ARMH1: variants seen among roughly 807,000 people sequenced by gnomAD.
The protein encoded by ARMH1 is armadillo-like helical domain containing protein 1.
In ARMH1, 34 loss-of-function variants were observed where a neutral mutation model predicts 50.2. The ratio of observed to expected loss-of-function variants is 0.68; its 90% CI spans 0.51 to 0.90. The LOEUF is 0.90. Ranked by LOEUF, ARMH1 falls within the 40% of genes least tolerant of loss-of-function variation. The pLI is 0.00. For missense variants in ARMH1, 538 were observed against 553.9 expected, an observed-to-expected ratio of 0.97 and a Z score of 0.29; for synonymous variants, 221 against 224.2, an observed-to-expected ratio of 0.99 and a Z score of 0.13.
chr1:44,712,446 G>A (rs1458444123), intron 6 of ARMH1, among the ~76,000 whole-genome samples: 1 of 143,748 alleles, frequency 7.0e-6, no homozygotes, highest in Non-Finnish European at 1.5e-5. Context: ...CAACAAGAGT[G>A]AAACTCCATG....
rs1220315650 is a variant in ARMH1, at chr1:44,689,661, T to C, written c.-22-15T>C. On this transcript the variant is annotated splice_polypyrimidine_tract_variant and intron_variant, in intron 1 of 11. Coordinates refer to ENST00000535358, the MANE Select transcript of ARMH1 (RefSeq NM_001145636.2). Reference sequence around the variant, plus strand: ...AAACATTCCGGTAACCTGTCTCTTTTCCCTCCCTCTGTAGCCAACTTCAGG... The same window carrying C: ...AAACATTCCGGTAACCTGTCTCTTTCCCCTCCCTCTGTAGCCAACTTCAGG... The C allele has an allele frequency of 5.2e-6, 8 of 1,535,198 alleles. No homozygotes were observed. Among genetic ancestry groups the C allele is most frequent in the Non-Finnish European group, 5.3e-6 (6 of 1,132,452 alleles).
At chr1:44,706,147 C>T (rs1411264648) in intron 6 of ARMH1, among the ~76,000 whole-genome samples, 2 of 152,222 alleles carry the variant, frequency 1.3e-5, no homozygotes. Flanking sequence ...AGTGCAGTGC[C>T]TCCGAAGATG....
chr1:44,716,120 T>A (rs1237492205), intron 6 of ARMH1, among the ~76,000 whole-genome samples: 1 of 151,724 alleles, frequency 6.6e-6, no homozygotes, highest in Non-Finnish European at 1.5e-5. Flanking sequence ...ACATTCCCAT[T>A]CCTCTACCAG....
chr1:44,717,693 A>G (rs1646911688), intron 6 of ARMH1, among the ~76,000 whole-genome samples: 1 of 152,270 alleles, frequency 6.6e-6, no homozygotes, highest in African/African-American at 2.4e-5. Flanking sequence ...ATGCTCAATG[A>G]GAATTTTGTT....
chr1:44,724,462 G>T lies in ARMH1; in HGVS notation c.920+70G>T. ...GGCGCTGCCGGCGGGCCCCGGGAGCGCTCCGTGCGCCGGGTGGGCGGGGGT... is the reference window on the plus strand; with the variant it reads ...GGCGCTGCCGGCGGGCCCCGGGAGCTCTCCGTGCGCCGGGTGGGCGGGGGT... On this transcript the variant is annotated intron_variant, in intron 8 of 11. Transcript: ENST00000535358. The surrounding 1 kb of genome is among the most constrained non-coding windows in gnomAD (Gnocchi z 6.4). The T allele has an allele frequency of 1.3e-6, 2 of 1,522,292 alleles. No individual in the cohort carries two copies. The highest frequency in any genetic ancestry group is 1.8e-6 in the Non-Finnish European group (2 of 1,136,648). 94.3% of individuals were successfully genotyped at this position (1,522,292 alleles called of 1,614,324 possible).
intron 6 of ARMH1, among the ~76,000 whole-genome samples, chr1:44,704,834 C>CTTT (rs34632415): frequency 1.6e-5 from 2 of 124,344 alleles, no homozygotes; most frequent in African/African-American, 3.0e-5. Context: ...TTATTGAGAA[C>CTTT]TTTTTTTTTT....
chr1:44,698,020 C>G (rs1573357867), intron 3 of ARMH1, 43 bp from the exon 4 acceptor site: 1 of 1,476,930 alleles, frequency 6.8e-7, no homozygotes, highest in Non-Finnish European at 9.1e-7. Flanking sequence ...TGCAAAGGAA[C>G]TTGACAAGAG....
intron 6 of ARMH1, among the ~76,000 whole-genome samples, chr1:44,719,307 G>T (rs1445537516): frequency 1.3e-5 from 2 of 152,192 alleles, no homozygotes; most frequent in Non-Finnish European, 1.5e-5. Context: ...AGGATGATGG[G>T]CAAGAGGCAG....
chr1:44,686,457 C>T lies in ARMH1; in HGVS notation c.-22-3219C>T, dbSNP rs1455768507. 3.9e-5 allele frequency among the ~76,000 whole-genome samples: 6 copies of T among 152,196 alleles called. No individual in the cohort carries two copies. The East Asian group carries it at 9.6e-4, about 24-fold the overall frequency. On this transcript the variant is annotated intron_variant, in intron 1 of 11. Coordinates refer to ENST00000535358, the MANE Select transcript of ARMH1 (RefSeq NM_001145636.2). Reference sequence around the variant, plus strand: ...TTGGGAGGCTGAGGCAGGCAGATCACTTGAGCTCAGGAGTTTGAGACAAGC... The same window carrying T: ...TTGGGAGGCTGAGGCAGGCAGATCATTTGAGCTCAGGAGTTTGAGACAAGC...
chr1:44,701,127 A>G lies in ARMH1; in HGVS notation c.639+8A>G. 6.5e-7 allele frequency: 1 copy of G among 1,541,282 alleles called. No homozygotes were observed. Among genetic ancestry groups the G allele is most frequent in the East Asian group, 2.4e-5 (1 of 40,818 alleles). ...ACTCTCAGGACTGCCCAGGTGAGCC[A>G]AGGCTGCATGCTCCTGTGGTTCTGA... On this transcript the variant is annotated splice_region_variant and intron_variant, in intron 5 of 11. Coordinates refer to ENST00000535358, the MANE Select transcript of ARMH1 (RefSeq NM_001145636.2).
chr1:44,702,098 C>G (rs1416782886), intron 5 of ARMH1, among the ~76,000 whole-genome samples: 9 of 152,058 alleles, frequency 5.9e-5, no homozygotes, highest in Admixed American at 5.9e-4. Context: ...GAGTGAGACC[C>G]TGTCTCTAAA....
chr1:44,689,391 G>A lies in ARMH1; in HGVS notation c.-22-285G>A, dbSNP rs1298572870. On this transcript the variant is annotated intron_variant, in intron 1 of 11. Coordinates refer to ENST00000535358, the MANE Select transcript of ARMH1 (RefSeq NM_001145636.2). ...GCAAGCACTTTTATCTCAGCTGGAT[G>A]CTCTGGTCTTTTAGTTGCTGGCATC... Among the ~76,000 whole-genome samples the A allele has an allele frequency of 2.0e-5, 3 of 152,114 alleles. No individual in the cohort carries two copies. In the East Asian group the frequency reaches 5.8e-4, roughly 29 times the overall value.
At chr1:44,717,247 GCTGTATCGGGT>G (rs1193218735) in intron 6 of ARMH1, among the ~76,000 whole-genome samples, 2 of 152,194 alleles carry the variant, frequency 1.3e-5, no homozygotes, top group Admixed American at 6.5e-5. Context: ...AAAAATGCCT[GCTGTATCGGGT>G]TGTTGGCACA....
rs1464976192 is a variant in ARMH1 at position 44,682,210 on chromosome 1, T to C, written c.-23+7337T>C. Among the ~76,000 whole-genome samples, 1 of 152,192 alleles carries C rather than the reference T, an allele frequency of 6.6e-6. No individual in the cohort carries two copies. Among genetic ancestry groups the C allele is most frequent in the Non-Finnish European group, 1.5e-5 (1 of 68,010 alleles). On this transcript the variant is annotated intron_variant, in intron 1 of 11. Coordinates refer to ENST00000535358, the MANE Select transcript of ARMH1 (RefSeq NM_001145636.2). This position sits in a 1 kb window ranked among gnomAD's most constrained non-coding sequence, Gnocchi z 4.5. ...ATAACACTTATTGAGTGCCTGTGTT[T>C]TACCAGAGACCCTGCTAGCCACCCA...
At chr1:44,711,294 AT>A (rs1406459077) in intron 6 of ARMH1, among the ~76,000 whole-genome samples, 1 of 152,230 alleles carries the variant, frequency 6.6e-6, no homozygotes, top group Admixed American at 6.5e-5. Flanking sequence ...TAGTTGTACC[AT>A]TTTACATTCC....
intron 6 of ARMH1, among the ~76,000 whole-genome samples, chr1:44,707,463 C>G (rs1212055466): frequency 6.6e-6 from 1 of 152,120 alleles, no homozygotes; most frequent in African/African-American, 2.4e-5. Context: ...AGGGTTTCAC[C>G]CTGTTGCCCA....
intron 6 of ARMH1, among the ~76,000 whole-genome samples, chr1:44,707,090 C>T (rs1418258094): frequency 6.6e-6 from 1 of 151,292 alleles, no homozygotes; most frequent in Non-Finnish European, 1.5e-5. Context: ...CCTGCCCCCA[C>T]CTCCCCTCCT....
At chr1:44,723,615 C>G (rs1048999992) in intron 6 of ARMH1, among the ~76,000 whole-genome samples, 9 of 152,146 alleles carry the variant, frequency 5.9e-5, no homozygotes, top group Non-Finnish European at 1.3e-4. Context: ...GGTGAGCTTC[C>G]ACGGGTGCTG....
At chr1:44,706,697 A>G (rs1281607206) in intron 6 of ARMH1, among the ~76,000 whole-genome samples, 1 of 152,110 alleles carries the variant, frequency 6.6e-6, no homozygotes, top group South Asian at 2.1e-4. Flanking sequence ...TGGGCCTTGT[A>G]TGTTGAGAAA....
Sources: gnomAD v4.1 joint callset for allele counts (sites outside exome capture counted in the v4.1 genomes callset) on GRCh38, gnomAD v4.1.1 for gene constraint, Gnocchi (gnomAD v3.1) non-coding constraint, MANE v1.5 for transcripts, NCBI Gene and HGNC (gene_info 2026-07-23, HGNC 2026-07-21) for gene names.